Variants in TIA1 observed in about 807,000 individuals in gnomAD.
TIA1 encodes the protein cytotoxic granule associated RNA binding protein TIA1.
In TIA1, 23 loss-of-function variants were observed where a neutral mutation model predicts 65.9. That is an observed-to-expected ratio of 0.35 (90% CI 0.25 to 0.49). The LOEUF (loss-of-function observed/expected upper bound fraction) is 0.49, where lower values mean the gene tolerates loss of function less well. Ranked by LOEUF, TIA1 falls within the 20% of genes least tolerant of loss-of-function variation. The pLI is 0.98. For synonymous variants in TIA1, 147 were observed against 149.4 expected (o/e 0.98, Z 0.12); for missense variants, 371 against 477.9 (o/e 0.78, Z 2.09).
chr2:70,224,823 A>T, intron 6 of TIA1, 194 bp from the exon 7 acceptor site: 1 of 1,371,742 alleles, frequency 7.3e-7, no homozygotes, highest in Non-Finnish European at 9.4e-7. Context: ...CAAATCAATA[A>T]CTTAAGTATA....
At chr2:70,227,628 CAA>C (rs1684371859) in intron 6 of TIA1, 105 bp downstream of exon 6, 1 of 700,968 alleles carries the variant, frequency 1.4e-6, no homozygotes. Flanking sequence ...ACATTATATT[CAA>C]GTTATAAAAT....
chr2:70,242,265 G>C (rs1216801554), intron 1 of TIA1, among the ~76,000 whole-genome samples: 1 of 152,022 alleles, frequency 6.6e-6, no homozygotes, highest in Non-Finnish European at 1.5e-5. Flanking sequence ...GGGAGCGGTG[G>C]CTCACGCCTG....
intron 3 of TIA1, among the ~76,000 whole-genome samples, chr2:70,230,003 C>T: frequency 6.6e-6 from 1 of 151,336 alleles, no homozygotes; most frequent in Non-Finnish European, 1.5e-5. Flanking sequence ...CTTTGGGAGG[C>T]CGAGACGGGC....
chr2:70,236,207 T>TC (rs765882119), intron 1 of TIA1, 32 bp from the exon 2 acceptor site: 2 of 1,445,812 alleles, frequency 1.4e-6, no homozygotes, highest in African/African-American at 2.8e-5. Flanking sequence ...TTTACCTTTT[T>TC]TTTTTTTTGA....
At chr2:70,225,382 T>C in intron 6 of TIA1, 1 of 1,288,906 alleles carries the variant, frequency 7.8e-7, no homozygotes. Context: ...CTGTCCATTC[T>C]TCAGAGACAC....
chr2:70,232,540 C>CAAAAAG (rs1686924780), intron 2 of TIA1, among the ~76,000 whole-genome samples: 2 of 40,268 alleles, frequency 5.0e-5, no homozygotes, highest in Non-Finnish European at 8.7e-5. Flanking sequence ...AACTCTGTCT[C>CAAAAAG]AAAAAAAAAA....
intron 3 of TIA1, among the ~76,000 whole-genome samples, chr2:70,230,412 A>G (rs1337838892): frequency 6.6e-6 from 1 of 152,194 alleles, no homozygotes; most frequent in Non-Finnish European, 1.5e-5. Context: ...ACACTTTGCG[A>G]AGCCGAGGCA....
At chr2:70,244,618 G>A (rs989980679) in intron 1 of TIA1, among the ~76,000 whole-genome samples, 1 of 151,668 alleles carries the variant, frequency 6.6e-6, no homozygotes, top group South Asian at 2.1e-4. Context: ...GGCGGATCGC[G>A]AGGTCAGGAG....
At chr2:70,232,115 T>C (rs576489686) in intron 2 of TIA1, among the ~76,000 whole-genome samples, 15 of 140,856 alleles carry the variant, frequency 1.1e-4, no homozygotes, top group Non-Finnish European at 2.0e-4. Flanking sequence ...GGCAGGAGAA[T>C]GGCGTGAACC....
intron 7 of TIA1, among the ~76,000 whole-genome samples, chr2:70,222,173 C>T (rs1235127627): frequency 6.6e-6 from 1 of 151,816 alleles, no homozygotes; most frequent in Non-Finnish European, 1.5e-5. Context: ...GAAGCAGTGG[C>T]AGCATAGGCT....
chr2:70,225,630 T>G (rs1419407862), intron 6 of TIA1, among the ~76,000 whole-genome samples: 1 of 152,206 alleles, frequency 6.6e-6, no homozygotes, highest in Non-Finnish European at 1.5e-5. Flanking sequence ...AAAGTATACA[T>G]AAGCATATTT....
At chr2:70,242,883 C>T (rs569449089) in intron 1 of TIA1, among the ~76,000 whole-genome samples, 192 of 152,024 alleles carry the variant, frequency 1.3e-3, no homozygotes, top group African/African-American at 4.4e-3. Flanking sequence ...GAAACCATCC[C>T]GCCCATGGAA....
At chr2:70,236,426 T>C (rs766773932) in intron 1 of TIA1, among the ~76,000 whole-genome samples, 2 of 152,060 alleles carry the variant, frequency 1.3e-5, no homozygotes, top group Non-Finnish European at 2.9e-5. Flanking sequence ...CTCCAACTCC[T>C]GACCTCAGGT....
rs1437909082 is a variant in TIA1 at position 70,216,201 on chromosome 2, T to C, written c.764+7A>G. On this transcript the variant is annotated splice_region_variant and intron_variant, in intron 10 of 12. Transcript: ENST00000433529. ...AGAAAAATGTTTTTTTAAAAAACCA[T>C]CCCTACCGAACAAATGAATATCCTT... 2.6e-6 allele frequency: 4 copies of C among 1,547,934 alleles called. No individual in the cohort carries two copies. Among genetic ancestry groups the C allele is most frequent in the Non-Finnish European group, 3.5e-6 (4 of 1,155,040 alleles).
intron 1 of TIA1, among the ~76,000 whole-genome samples, chr2:70,240,271 T>TA (rs1487535114): frequency 2.6e-5 from 4 of 152,184 alleles, no homozygotes; most frequent in African/African-American, 9.6e-5. Context: ...AATATTTACA[T>TA]AAAAAAGTCT....
chr2:70,215,379 CG>C lies in TIA1; in HGVS notation c.879del (p.Val294CysfsTer95). The stretch of plus-strand genomic sequence containing the variant: ...GTTAAGAACCCTCTCACCTGTTGCA[CG>C]GGATTTATCATATCAAGAGTTTCTT... ...WGKETLDMIN[P>X]VQQQNQIGYP... On this transcript the variant is annotated frameshift_variant, in exon 11 of 13. Coordinates refer to ENST00000433529, the MANE Select transcript of TIA1 (RefSeq NM_022173.4). LOFTEE classifies it high-confidence loss of function. 1 of 1,613,884 alleles carries C rather than the reference CG, an allele frequency of 6.2e-7. No individual in the cohort carries two copies. The highest frequency in any genetic ancestry group is 8.5e-7 in the Non-Finnish European group (1 of 1,179,950).
At chr2:70,240,884 A>C (rs1397542430) in intron 1 of TIA1, among the ~76,000 whole-genome samples, 9 of 151,028 alleles carry the variant, frequency 6.0e-5, no homozygotes, top group African/African-American at 2.0e-4. Flanking sequence ...CTGCCCCCCC[A>C]CCAAAAAAAA....
At chr2:70,222,801 C>A (rs1215245774) in intron 7 of TIA1, among the ~76,000 whole-genome samples, 1 of 152,152 alleles carries the variant, frequency 6.6e-6, no homozygotes, top group African/African-American at 2.4e-5. Flanking sequence ...GTAATCCCAG[C>A]TACTTGGGAG....
At chr2:70,231,312 A>G (rs1361702827) in intron 2 of TIA1, among the ~76,000 whole-genome samples, 1 of 152,044 alleles carries the variant, frequency 6.6e-6, no homozygotes, top group Admixed American at 6.6e-5. Context: ...AAAAACAAAC[A>G]AACAAAAAAG....
Sources: allele counts gnomAD v4.1 joint callset (sites outside exome capture counted in the v4.1 genomes callset), GRCh38; gene constraint gnomAD v4.1.1; transcripts MANE v1.5; gene names NCBI Gene and HGNC (gene_info 2026-07-23, HGNC 2026-07-21).